Variants in APPBP2 observed in about 807,000 individuals in gnomAD.
The protein encoded by APPBP2 is amyloid protein-binding protein 2.
In APPBP2, 15 loss-of-function variants were observed where a neutral mutation model predicts 76.0. The observed-to-expected ratio is 0.20, with a 90% CI of 0.13 to 0.30. The LOEUF (loss-of-function observed/expected upper bound fraction) is 0.30. APPBP2 is among the 10% of genes least tolerant of loss of function. The probability of loss-of-function intolerance (pLI) is 1.00; values close to 1 mark genes in which losing one functional copy is unlikely to be tolerated. For missense variants in APPBP2, 401 were observed against 687.2 expected, an observed-to-expected ratio of 0.58 and a Z score of 4.66; for synonymous variants, 222 against 242.2, an observed-to-expected ratio of 0.92 and a Z score of 0.77.
chr17:60,479,092 A>G, intron 4 of APPBP2, 56 bp downstream of exon 4: 2 of 1,556,504 alleles, frequency 1.3e-6, no homozygotes, highest in Non-Finnish European at 1.7e-6. Context: ...AGCTAAAACT[A>G]TAAAAGCCAC....
intron 4 of APPBP2, among the ~76,000 whole-genome samples, chr17:60,467,094 C>G (rs1157665192): frequency 6.6e-6 from 1 of 152,130 alleles, no homozygotes; most frequent in Non-Finnish European, 1.5e-5. Flanking sequence ...TAGCAACAGA[C>G]TGTGTATCTA....
intron 4 of APPBP2, among the ~76,000 whole-genome samples, chr17:60,472,284 C>T (rs767829215): frequency 1.3e-5 from 2 of 152,140 alleles, no homozygotes; most frequent in African/African-American, 2.4e-5. Flanking sequence ...CTAGTGAAGT[C>T]TTCAGTCCTG....
intron 1 of APPBP2, among the ~76,000 whole-genome samples, chr17:60,518,296 C>T (rs894719813): frequency 6.6e-6 from 1 of 151,976 alleles, no homozygotes; most frequent in Non-Finnish European, 1.5e-5. Flanking sequence ...ATCTGCCTGC[C>T]TCGGCCTCTC....
chr17:60,510,597 C>T (rs991991292), intron 1 of APPBP2, among the ~76,000 whole-genome samples: 60 of 150,604 alleles, frequency 4.0e-4, no homozygotes, highest in African/African-American at 1.4e-3. Flanking sequence ...GTGGCGTGTG[C>T]CCCAGGTACT....
intron 1 of APPBP2, among the ~76,000 whole-genome samples, chr17:60,506,250 T>G (rs2090867147): frequency 6.6e-6 from 1 of 152,190 alleles, no homozygotes; most frequent in Non-Finnish European, 1.5e-5. Flanking sequence ...CACCTAGGCC[T>G]CCCAAAGTGC....
At chr17:60,522,550 T>C (rs777361626) in intron 1 of APPBP2, among the ~76,000 whole-genome samples, 5 of 152,168 alleles carry the variant, frequency 3.3e-5, no homozygotes, top group Non-Finnish European at 7.3e-5. Flanking sequence ...CGAACTCCTG[T>C]GCTCAAGCGA....
rs61735446 is a variant in APPBP2, at chr17:60,526,198, G to A, written c.-267C>T. The A allele has an allele frequency of 9.7e-4, 444 of 458,822 alleles. 2 individuals are homozygous for A. The highest frequency in any genetic ancestry group is 8.1e-3 in the African/African-American group (407 of 50,522). The allele number at this position is 458,822 out of a possible 1,614,324, so 28.4% of individuals were successfully genotyped here. On this transcript the variant is annotated 5_prime_UTR_variant, in exon 1 of 13. Transcript: ENST00000083182. ...CAATCCCGGTTCGAGAGGAACCCGG[G>A]TTCCGTCCCAGCGCTGATCTCTGCA...
At chr17:60,464,493 A>G (rs2090496943) in intron 5 of APPBP2, among the ~76,000 whole-genome samples, 1 of 151,934 alleles carries the variant, frequency 6.6e-6, no homozygotes, top group African/African-American at 2.4e-5. Context: ...CCATCCTCCT[A>G]TTGTAACATT....
intron 2 of APPBP2, among the ~76,000 whole-genome samples, chr17:60,499,570 C>T (rs1409293481): frequency 6.6e-6 from 1 of 152,052 alleles, no homozygotes; most frequent in Non-Finnish European, 1.5e-5. Context: ...GAGTATATAA[C>T]CAAAATAACT....
intron 10 of APPBP2, among the ~76,000 whole-genome samples, chr17:60,456,052 AC>A (rs2090428885): frequency 6.6e-6 from 1 of 152,228 alleles, no homozygotes; most frequent in Admixed American, 6.5e-5. Flanking sequence ...TGCTGGGATT[AC>A]AGGCATAAGC....
intron 4 of APPBP2, among the ~76,000 whole-genome samples, chr17:60,469,945 C>T (rs1171898639): frequency 6.6e-6 from 1 of 152,086 alleles, no homozygotes; most frequent in Non-Finnish European, 1.5e-5. Context: ...TTTTGACAAA[C>T]TGCCAAACTG....
intron 3 of APPBP2, among the ~76,000 whole-genome samples, chr17:60,489,268 T>C (rs1215371935): frequency 6.6e-6 from 1 of 150,564 alleles, no homozygotes; most frequent in Non-Finnish European, 1.5e-5. Flanking sequence ...AAAAATATGC[T>C]CTGAAGTCCC....
At chr17:60,480,583 G>C (rs1221392203) in intron 3 of APPBP2, among the ~76,000 whole-genome samples, 1 of 151,992 alleles carries the variant, frequency 6.6e-6, no homozygotes, top group Non-Finnish European at 1.5e-5. Context: ...TAATTGGAGA[G>C]AACTGTGCTT....
rs536077276 is a variant in APPBP2, at chr17:60,445,200, A to G, written c.*2381T>C. 2.0e-4 allele frequency: 31 copies of G among 152,708 alleles called. No individual in the cohort carries two copies. Among genetic ancestry groups the G allele is most frequent in the African/African-American group, 7.0e-4 (29 of 41,574 alleles). The allele number at this position is 152,708 out of a possible 1,614,324, so 9.5% of individuals were successfully genotyped here. A position where few individuals can be genotyped will look rare whatever the true frequency, so the allele number is the denominator to read the frequency against. On this transcript the variant is annotated 3_prime_UTR_variant, in exon 13 of 13. Coordinates refer to ENST00000083182, the MANE Select transcript of APPBP2 (RefSeq NM_006380.5). ...TGCATTAAAGTATATGGATTTACAA[A>G]AAAACTACATTAAAGCAGTGGTGAT...
chr17:60,477,635 T>C (rs1358218742), intron 4 of APPBP2: 3 of 152,168 alleles, frequency 2.0e-5, no homozygotes, highest in Non-Finnish European at 4.4e-5. Flanking sequence ...TAATTTATCA[T>C]ACACTTCCAA....
At chr17:60,460,852 C>T (rs1567920724) in intron 8 of APPBP2, 65 bp from the exon 9 acceptor site, 2 of 1,507,272 alleles carry the variant, frequency 1.3e-6, no homozygotes, top group Non-Finnish European at 1.8e-6. Flanking sequence ...ATTAAACATC[C>T]TAGTAATTTA....
intron 1 of APPBP2, among the ~76,000 whole-genome samples, chr17:60,507,181 T>C (rs2090875175): frequency 6.6e-6 from 1 of 152,028 alleles, no homozygotes; most frequent in Non-Finnish European, 1.5e-5. Context: ...CAGTACCCAG[T>C]AAGTAGTTTT....
chr17:60,447,997 T>C (rs748182170), intron 12 of APPBP2, among the ~76,000 whole-genome samples, 163 bp from the exon 13 acceptor site: 31 of 152,098 alleles, frequency 2.0e-4, no homozygotes, highest in Non-Finnish European at 4.3e-4. Context: ...CCTAAATCAG[T>C]CCCAACCATG....
Position 60,500,499 on chromosome 17 carries a change from A to G in APPBP2, c.139-12T>C. On this transcript the variant is annotated splice_polypyrimidine_tract_variant and intron_variant, in intron 1 of 12. Coordinates refer to ENST00000083182, the MANE Select transcript of APPBP2 (RefSeq NM_006380.5). ...CCCTGTTGGTAAAGCTGAAATAAAA[A>G]ACAAATGATTTAAAAATTTTGCAAT... 6.3e-7 allele frequency: 1 copy of G among 1,580,730 alleles called. No individual in the cohort carries two copies. The highest frequency in any genetic ancestry group is 2.0e-5 in the Admixed American group (1 of 50,596).
Sources: allele counts gnomAD v4.1 joint callset (sites outside exome capture counted in the v4.1 genomes callset), GRCh38; gene constraint gnomAD v4.1.1; transcripts MANE v1.5; gene names NCBI Gene and HGNC (gene_info 2026-07-23, HGNC 2026-07-21).